The following CHD9 variants were observed in gnomAD, a reference collection of about 807,000 sequenced individuals.
The protein encoded by CHD9 is ATP-dependent chromatin remodeler CHD9.
CHD9 carries 77 observed loss-of-function variants against 316.1 expected under a neutral mutation model. The observed-to-expected ratio is 0.24, with a 90% CI of 0.20 to 0.29. The LOEUF (loss-of-function observed/expected upper bound fraction) is 0.29. Among genes scored for constraint, CHD9 ranks in the 10% least tolerant of loss-of-function variants. The pLI is 1.00. For missense variants in CHD9, 2,763 were observed against 3,438.1 expected, an observed-to-expected ratio of 0.80 and a Z score of 4.91; for synonymous variants, 1,129 against 1,158.3, an observed-to-expected ratio of 0.97 and a Z score of 0.51.
At chr16:53,314,608 C>A in intron 35 of CHD9, 92 bp downstream of exon 35, 3 of 1,133,952 alleles carry the variant, frequency 2.6e-6, no homozygotes, top group Non-Finnish European at 3.7e-6. Flanking sequence ...GTTTTATAGA[C>A]TATTAGTAAG....
chr16:53,304,179 C>T lies in CHD9; in HGVS notation c.6173C>T (p.Ser2058Phe). The change falls in exon 31 of 39, where the codon TCT becomes TTT. Residue 2058 changes from serine to phenylalanine, a missense_variant. Transcript: ENST00000447540. ...GAAAACCTTAAAGAGGAGCCTCAGT[C>T]TTCTGAAGAAGAATCTATGTCTTCT... ...KSENLKEEPQ[S>F]SEEESMSSVE... 6.2e-7 allele frequency: 1 copy of T among 1,612,268 alleles called. No homozygotes were observed. The highest frequency in any genetic ancestry group is 8.5e-7 in the Non-Finnish European group (1 of 1,179,076).
At chr16:53,055,777 C>A (rs1043076356) in intron 1 of CHD9, among the ~76,000 whole-genome samples, 1 of 152,126 alleles carries the variant, frequency 6.6e-6, no homozygotes, top group Non-Finnish European at 1.5e-5. Flanking sequence ...AACTAACCAT[C>A]CCCCACCCCC....
intron 19 of CHD9, 47 bp downstream of exon 19, chr16:53,255,826 C>T (rs765764876): frequency 6.6e-7 from 1 of 1,525,610 alleles, no homozygotes; most frequent in East Asian, 2.3e-5. Context: ...TGTTCACATC[C>T]TAACTACTGA....
At chr16:53,294,769 A>G (rs1158714210) in intron 29 of CHD9, among the ~76,000 whole-genome samples, 1 of 152,226 alleles carries the variant, frequency 6.6e-6, no homozygotes, top group African/African-American at 2.4e-5. Flanking sequence ...CCGTTAATGG[A>G]AAGAGTGGCA....
In CHD9 at chr16:53,069,610, TG is replaced by T. The variant is rs34780004; in HGVS notation, c.-165+14534del. The stretch of plus-strand genomic sequence containing the variant: ...ATTTTAATAGACTGTGGTATGTATC[TG>T]CCACAGTGTGTTTATCCATTCATCT... On this transcript the variant is annotated intron_variant, in intron 1 of 38. Coordinates refer to ENST00000447540, the MANE Select transcript of CHD9 (RefSeq NM_001308319.2). 8.5e-3 allele frequency among the ~76,000 whole-genome samples: 1,297 copies of T among 152,362 alleles called. 24 individuals are homozygous for T. The highest frequency in any genetic ancestry group is 0.029 in the African/African-American group (1,207 of 41,578).
chr16:53,143,888 G>A (rs1039445258), intron 1 of CHD9, among the ~76,000 whole-genome samples: 2 of 152,008 alleles, frequency 1.3e-5, no homozygotes, highest in Non-Finnish European at 2.9e-5. Flanking sequence ...GCAGTGATAC[G>A]CCCACAGTTA....
At chr16:53,185,348 G>A (rs560897124) in intron 2 of CHD9, among the ~76,000 whole-genome samples, 18 of 152,300 alleles carry the variant, frequency 1.2e-4, no homozygotes, top group African/African-American at 3.8e-4. Context: ...CTTTTGCTAT[G>A]CAAAGAGACT....
chr16:53,085,357 C>T (rs980320339), intron 1 of CHD9, among the ~76,000 whole-genome samples: 1 of 152,060 alleles, frequency 6.6e-6, no homozygotes, highest in Non-Finnish European at 1.5e-5. Context: ...ACCCAGCCTG[C>T]CTTTGATCAT....
chr16:53,126,835 C>T (rs1033865115), intron 1 of CHD9, among the ~76,000 whole-genome samples: 1 of 152,058 alleles, frequency 6.6e-6, no homozygotes, highest in Non-Finnish European at 1.5e-5. Context: ...TGTGCCACCA[C>T]ACCCAGCTAA....
At chr16:53,109,477 C>T (rs1279484081) in intron 1 of CHD9, among the ~76,000 whole-genome samples, 1 of 151,858 alleles carries the variant, frequency 6.6e-6, no homozygotes, top group Non-Finnish European at 1.5e-5. Context: ...GGACTACAGG[C>T]GTGCGCCACC....
intron 12 of CHD9, among the ~76,000 whole-genome samples, chr16:53,241,524 A>T: frequency 6.6e-6 from 1 of 152,228 alleles, no homozygotes; most frequent in Admixed American, 6.5e-5. Context: ...ACAACTCCAC[A>T]TGGATATGTC....
At position 53,304,086 on chromosome 16, in the gene CHD9, CTCT is replaced by C. The variant is rs2153080956; in HGVS notation, c.6082_6084del (p.Leu2028del). 1 of 1,614,018 alleles carries C rather than the reference CTCT, an allele frequency of 6.2e-7. No homozygotes were observed. ...TATCAAGTAGCACTTTCTGCTTCTCCTCTTACCTCTCTACCTAGGCTCCTAGAT... is the reference window on the plus strand; with the variant it reads ...TATCAAGTAGCACTTTCTGCTTCTCCTACCTCTCTACCTAGGCTCCTAGAT... On this transcript the variant is annotated inframe_deletion, in exon 31 of 39. Coordinates refer to ENST00000447540, the MANE Select transcript of CHD9 (RefSeq NM_001308319.2).
chr16:53,193,439 A>G (rs1011060776), intron 2 of CHD9, among the ~76,000 whole-genome samples: 1 of 150,144 alleles, frequency 6.7e-6, no homozygotes, highest in African/African-American at 2.5e-5. Context: ...ACAGAGTGAG[A>G]CTCTGTCCCA....
intron 24 of CHD9, among the ~76,000 whole-genome samples, chr16:53,284,938 T>C (rs1243735338): frequency 2.0e-5 from 3 of 152,110 alleles, no homozygotes; most frequent in Non-Finnish European, 2.9e-5. Context: ...GCTAATTTTT[T>C]GTATTTTTAG....
chr16:53,264,390 TG>T (rs997841606), intron 20 of CHD9, among the ~76,000 whole-genome samples: 23 of 152,068 alleles, frequency 1.5e-4, no homozygotes, highest in African/African-American at 5.6e-4. Context: ...ATTTTCTATA[TG>T]GGAGCAATGG....
intron 1 of CHD9, among the ~76,000 whole-genome samples, chr16:53,138,311 T>A (rs1319967514): frequency 6.6e-6 from 1 of 152,230 alleles, no homozygotes; most frequent in Non-Finnish European, 1.5e-5. Flanking sequence ...AAAAGCAGAT[T>A]TGAATTTCTC....
chr16:53,073,602 C>A (rs186986325), intron 1 of CHD9, among the ~76,000 whole-genome samples: 1 of 152,200 alleles, frequency 6.6e-6, no homozygotes, highest in African/African-American at 2.4e-5. Flanking sequence ...GTGGTGGGAG[C>A]GGCCCAGTTG....
intron 1 of CHD9, 54 bp from the exon 2 acceptor site, chr16:53,155,872 T>C: frequency 2.0e-6 from 1 of 508,778 alleles, no homozygotes; most frequent in Non-Finnish European, 3.4e-6. Context: ...ATTTTTGTTG[T>C]AGCATGTATC....
At chr16:53,146,438 A>ATATATATATATATAT (rs1567374423) in intron 1 of CHD9, among the ~76,000 whole-genome samples, 1 of 46,374 alleles carries the variant, frequency 2.2e-5, no homozygotes, top group African/African-American at 9.2e-5. Context: ...TATATATATA[A>ATATATATATATATAT]TTAAAAAGTT....
Sources: gnomAD v4.1 joint callset for allele counts (sites outside exome capture counted in the v4.1 genomes callset) on GRCh38, gnomAD v4.1.1 for gene constraint, MANE v1.5 for transcripts, NCBI Gene and HGNC (gene_info 2026-07-23, HGNC 2026-07-21) for gene names.